The following DAB1 variants were observed in gnomAD, a reference collection of about 807,000 sequenced individuals.
The protein encoded by DAB1 is disabled homolog 1.
DAB1 carries 15 observed loss-of-function variants against 64.6 expected under a neutral mutation model. That is an observed-to-expected ratio of 0.23 (90% confidence interval 0.16 to 0.36). DAB1 has a LOEUF of 0.36. Among genes scored for constraint, DAB1 ranks in the 10% least tolerant of loss-of-function variants. The pLI is 1.00. For missense variants in DAB1, 596 were observed against 706.7 expected (o/e 0.84, Z 1.78); for synonymous variants, 235 against 251.9 (o/e 0.93, Z 0.64).
At chr1:57,663,047 T>C (rs914327003) in intron 6 of DAB1, among the ~76,000 whole-genome samples, 4 of 152,180 alleles carry the variant, frequency 2.6e-5, no homozygotes, top group Middle Eastern at 3.2e-3. Flanking sequence ...GACTGGGTAA[T>C]TTATAAAGAA....
intron 7 of DAB1, among the ~76,000 whole-genome samples, chr1:57,638,476 G>A (rs1461195447): frequency 2.6e-5 from 4 of 152,156 alleles, no homozygotes; most frequent in Non-Finnish European, 5.9e-5. Flanking sequence ...ATCCTACCAT[G>A]CAAACCATCC....
chr1:58,491,249 G>A (rs1381936609), intron 3 of DAB1, among the ~76,000 whole-genome samples: 1 of 151,994 alleles, frequency 6.6e-6, no homozygotes, highest in Non-Finnish European at 1.5e-5. Flanking sequence ...TGCCCTACAA[G>A]AGCTCCTGAA....
At chr1:57,895,857 T>C (rs1644384568) in intron 5 of DAB1, among the ~76,000 whole-genome samples, 1 of 152,180 alleles carries the variant, frequency 6.6e-6, no homozygotes, top group African/African-American at 2.4e-5. Context: ...CTCTGCAGAA[T>C]TTCAACAAAA....
intron 9 of DAB1, among the ~76,000 whole-genome samples, chr1:57,027,935 A>G (rs1646844143): frequency 6.6e-6 from 1 of 152,198 alleles, no homozygotes; most frequent in Non-Finnish European, 1.5e-5. Flanking sequence ...GGGAACATAA[A>G]AATGAGAAAT....
intron 6 of DAB1, among the ~76,000 whole-genome samples, chr1:57,678,291 C>G (rs1424480537): frequency 1.3e-5 from 2 of 152,200 alleles, no homozygotes; most frequent in African/African-American, 2.4e-5. Flanking sequence ...ACTCAGAGAG[C>G]ATGCATTGAG....
intron 4 of DAB1, among the ~76,000 whole-genome samples, chr1:58,224,488 G>C (rs915426824): frequency 6.6e-6 from 1 of 152,130 alleles, no homozygotes; most frequent in African/African-American, 2.4e-5. Context: ...AGCATCTTCT[G>C]AGTAGATAGT....
At chr1:57,278,738 C>T (rs1402466073) in intron 2 of DAB1, among the ~76,000 whole-genome samples, 3 of 152,216 alleles carry the variant, frequency 2.0e-5, no homozygotes, top group African/African-American at 4.8e-5. Flanking sequence ...GCAAGCAAGG[C>T]GATGTGTTCA....
chr1:58,237,695 T>G (rs998901824), intron 4 of DAB1, among the ~76,000 whole-genome samples: 1 of 152,194 alleles, frequency 6.6e-6, no homozygotes, highest in African/African-American at 2.4e-5. Context: ...TTTTGCCTGA[T>G]AGTGACTTCT....
chr1:57,718,912 A>C (rs1647117264), intron 6 of DAB1, among the ~76,000 whole-genome samples: 1 of 152,180 alleles, frequency 6.6e-6, no homozygotes, highest in Non-Finnish European at 1.5e-5. Flanking sequence ...ACTGTGAAAA[A>C]AATACTGATT....
chr1:58,463,717 A>G (rs972044412), intron 3 of DAB1, among the ~76,000 whole-genome samples: 3 of 152,234 alleles, frequency 2.0e-5, no homozygotes, highest in African/African-American at 7.2e-5. Flanking sequence ...ATGTGCCTCA[A>G]TGTCTCTGCA....
chr1:58,421,159 T>C (rs1644767789), intron 3 of DAB1, among the ~76,000 whole-genome samples: 1 of 152,336 alleles, frequency 6.6e-6, no homozygotes, highest in East Asian at 1.9e-4. Flanking sequence ...AATGCTCTAA[T>C]TATGTGTCTA....
At chr1:57,032,945 A>G (rs993744722) in intron 9 of DAB1, among the ~76,000 whole-genome samples, 2 of 152,110 alleles carry the variant, frequency 1.3e-5, no homozygotes, top group Non-Finnish European at 2.9e-5. Flanking sequence ...CTGAATTCCT[A>G]CTATATCATG....
intron 6 of DAB1, 63 bp downstream of exon 6, chr1:57,071,457 TCA>T: frequency 6.4e-7 from 1 of 1,557,692 alleles, no homozygotes. Flanking sequence ...GGCCTGACTG[TCA>T]GTTTTTACAT....
intron 6 of DAB1, among the ~76,000 whole-genome samples, chr1:57,685,690 T>C (rs1267965416): frequency 4.6e-5 from 7 of 151,766 alleles, no homozygotes; most frequent in Admixed American, 3.3e-4. Context: ...TCTAAACAAA[T>C]TGAAATAATA....
intron 3 of DAB1, among the ~76,000 whole-genome samples, chr1:58,397,117 T>C (rs1038234573): frequency 4.2e-5 from 6 of 143,324 alleles, no homozygotes; most frequent in Non-Finnish European, 7.6e-5. Flanking sequence ...AAGAGAGAAG[T>C]AGGTAAAGGG....
At chr1:57,459,695 C>T (rs1321870834) in intron 7 of DAB1, among the ~76,000 whole-genome samples, 5 of 152,172 alleles carry the variant, frequency 3.3e-5, no homozygotes, top group Non-Finnish European at 5.9e-5. Flanking sequence ...ACCAGATCCA[C>T]GATCCAAAGC....
chr1:58,460,312 G>C (rs188006134), intron 3 of DAB1, among the ~76,000 whole-genome samples: 27 of 152,276 alleles, frequency 1.8e-4, no homozygotes, highest in Admixed American at 1.4e-3. Flanking sequence ...CACACACGTG[G>C]GACTGGGCAG....
intron 7 of DAB1, among the ~76,000 whole-genome samples, chr1:57,462,550 A>T (rs1195776737): frequency 1.3e-5 from 2 of 152,184 alleles, no homozygotes; most frequent in African/African-American, 4.8e-5. Flanking sequence ...GACCTAAGAA[A>T]ATAGCTAACA....
At chr1:57,104,308 C>T (rs17453706) in intron 4 of DAB1, among the ~76,000 whole-genome samples, 29,739 of 151,854 alleles carry the variant, frequency 0.2, 3,088 homozygotes, top group Non-Finnish European at 0.22. Flanking sequence ...AAAGCAGGCA[C>T]TGTAGGACCA....
Sources: gnomAD v4.1 joint callset for allele counts (sites outside exome capture counted in the v4.1 genomes callset) on GRCh38, gnomAD v4.1.1 for gene constraint, MANE v1.5 for transcripts, NCBI Gene and HGNC (gene_info 2026-07-23, HGNC 2026-07-21) for gene names.